Variants in POU3F3 observed in about 807,000 individuals in gnomAD.
POU3F3 encodes POU domain, class 3, transcription factor 3.
POU3F3 carries 1 observed loss-of-function variant against 8.6 expected under a neutral mutation model. The observed-to-expected ratio is 0.12, with a 90% CI of 0.04 to 0.55. POU3F3 has a LOEUF of 0.55. POU3F3 is among the 20% of genes least tolerant of loss of function. The pLI, the probability that POU3F3 is intolerant of heterozygous loss-of-function variation, is 0.91. For synonymous variants in POU3F3, 418 were observed against 327.4 expected (o/e 1.28, Z -2.99); for missense variants, 577 against 690.7 (o/e 0.84, Z 1.84).
chr2:104,891,941 C>T, the POU3F3 span, among the ~76,000 whole-genome samples: 189 of 152,228 alleles, frequency 1.2e-3, no homozygotes, highest in African/African-American at 4.4e-3. Context: ...CAGCCTAAAG[C>T]GCATTATGCT....
the POU3F3 span, among the ~76,000 whole-genome samples, chr2:104,921,432 T>G: frequency 6.6e-6 from 1 of 152,138 alleles, no homozygotes; most frequent in African/African-American, 2.4e-5. Flanking sequence ...TGCAATTTCC[T>G]GGGGGAAAGC....
Position 104,857,015 on chromosome 2 carries a change from G to A in POU3F3, c.*2G>A, listed in dbSNP as rs763285090. The A allele has an allele frequency of 6.3e-7, 1 of 1,586,010 alleles. No homozygotes were observed. Among genetic ancestry groups the A allele is most frequent in the South Asian group, 1.1e-5 (1 of 89,042 alleles). On this transcript the variant is annotated 3_prime_UTR_variant, in exon 1 of 1. Coordinates refer to ENST00000361360, the MANE Select transcript of POU3F3 (RefSeq NM_006236.3). ...GGGCTGCAGACGAGCGTTCAGTGAA[G>A]CCAGGGCGCAGAGCGAAGAGGGCCG...
chr2:104,889,134 A>T, the POU3F3 span, among the ~76,000 whole-genome samples: 1 of 152,318 alleles, frequency 6.6e-6, no homozygotes, highest in East Asian at 1.9e-4. Context: ...GTTTTCCGTG[A>T]TGCGATTTAA....
the POU3F3 span, among the ~76,000 whole-genome samples, chr2:104,888,727 C>T: frequency 2.0e-5 from 3 of 152,082 alleles, no homozygotes; most frequent in African/African-American, 7.2e-5. Context: ...CACTTCCTTC[C>T]CCACTCTCAG....
At chr2:104,922,392 CAAAAAAAAAA>C in the POU3F3 span, among the ~76,000 whole-genome samples, 1 of 71,042 alleles carries the variant, frequency 1.4e-5, no homozygotes, top group Non-Finnish European at 2.8e-5. Flanking sequence ...TGAAGATGCT[CAAAAAAAAAA>C]AAAAAAAAAA....
the POU3F3 span, among the ~76,000 whole-genome samples, chr2:104,878,671 G>A: frequency 2.6e-5 from 4 of 152,304 alleles, no homozygotes; most frequent in African/African-American, 9.6e-5. Context: ...CTTGCCTGAG[G>A]GTTGGGATTA....
the POU3F3 span, chr2:104,866,761 A>G: frequency 2.6e-5 from 4 of 152,270 alleles, no homozygotes; most frequent in African/African-American, 4.8e-5. Flanking sequence ...GACAGGGCAC[A>G]TGTAAGCTTG....
chr2:104,920,929 A>G, the POU3F3 span, among the ~76,000 whole-genome samples: 1 of 152,204 alleles, frequency 6.6e-6, no homozygotes, highest in East Asian at 1.9e-4. Flanking sequence ...CTCCCCCCAC[A>G]TTCATGTTCC....
At chr2:104,894,936 G>A in the POU3F3 span, among the ~76,000 whole-genome samples, 2 of 152,038 alleles carry the variant, frequency 1.3e-5, no homozygotes, top group African/African-American at 2.4e-5. Flanking sequence ...TTCTGTGCAT[G>A]TGCTCATCTT....
the POU3F3 span, among the ~76,000 whole-genome samples, chr2:104,881,100 C>CTCTTTCTTTCTTTCTTTCTTTCTTTCTT: frequency 7.5e-5 from 9 of 120,434 alleles, no homozygotes; most frequent in African/African-American, 2.1e-4. Context: ...TATATATTTT[C>CTCTTTCTTTCTTTCTTTCTTTCTTTCTT]TCTTTCTTTC....
chr2:104,889,829 G>A, the POU3F3 span, among the ~76,000 whole-genome samples: 3 of 152,216 alleles, frequency 2.0e-5, no homozygotes, highest in African/African-American at 7.2e-5. Context: ...AGTCTGGCAT[G>A]AGGAAGAAGT....
Position 104,855,382 on chromosome 2 carries a change from G to T in POU3F3, c.-129G>T, listed in dbSNP as rs1160682052. ...GGGCCGGCGGGGGCCCGGGGCGGGG[G>T]CGGGGAAGGAGGGGGGGAGGAGGCG... On this transcript the variant is annotated 5_prime_UTR_variant, in exon 1 of 1. Transcript: ENST00000361360. 6.5e-6 allele frequency: 2 copies of T among 307,430 alleles called. No individual in the cohort carries two copies. Among genetic ancestry groups the T allele is most frequent in the Non-Finnish European group, 9.1e-6 (2 of 219,502 alleles). 19.0% of individuals were successfully genotyped at this position (307,430 alleles called of 1,614,324 possible).
At chr2:104,875,745 C>A in the POU3F3 span, among the ~76,000 whole-genome samples, 1 of 152,128 alleles carries the variant, frequency 6.6e-6, no homozygotes, top group Non-Finnish European at 1.5e-5. Flanking sequence ...GAGATGGAGT[C>A]TCGCTCTGTC....
At chr2:104,907,968 ATGT>A in the POU3F3 span, among the ~76,000 whole-genome samples, 2 of 152,116 alleles carry the variant, frequency 1.3e-5, no homozygotes, top group East Asian at 3.8e-4. Context: ...TGATTTTATC[ATGT>A]TAAGAATGTA....
chr2:104,855,837 CGCT>C lies in POU3F3; in HGVS notation c.330_332del (p.Ala115del), dbSNP rs1207581154. On this transcript the variant is annotated inframe_deletion, in exon 1 of 1. Transcript: ENST00000361360. The stretch of plus-strand genomic sequence containing the variant: ...TGCCCCACGCCGCCGCCGCCGCCGC[CGCT>C]GCCGCCGCCGCCGCCGTGGAGGCGA... 7.3e-6 allele frequency: 8 copies of C among 1,102,272 alleles called. No homozygotes were observed. Among genetic ancestry groups the C allele is most frequent in the Middle Eastern group, 3.7e-4 (1 of 2,702 alleles). 68.3% of individuals were successfully genotyped at this position (1,102,272 alleles called of 1,614,324 possible). A position where few individuals can be genotyped will look rare whatever the true frequency, so the allele number is the denominator to read the frequency against.
the POU3F3 span, among the ~76,000 whole-genome samples, chr2:104,878,721 G>A: frequency 6.6e-6 from 1 of 152,168 alleles, no homozygotes; most frequent in Admixed American, 6.5e-5. Flanking sequence ...ACCTCCTGGT[G>A]AAGAATAAAC....
chr2:104,855,995 C>A lies in POU3F3; in HGVS notation c.485C>A (p.Thr162Lys). 1.0e-6 allele frequency: 1 copy of A among 998,288 alleles called. No individual in the cohort carries two copies. Among genetic ancestry groups the A allele is most frequent in the Non-Finnish European group, 1.2e-6 (1 of 841,360 alleles). The allele number at this position is 998,288 out of a possible 1,614,324, so 61.8% of individuals were successfully genotyped here. ...GAGRDDLHAG[T>K]ALHHRGPPHL... Reference sequence around the variant, plus strand: ...GGGCGCGACGACCTGCACGCGGGCACAGCGCTGCACCACCGCGGGCCGCCG... The same window carrying A: ...GGGCGCGACGACCTGCACGCGGGCAAAGCGCTGCACCACCGCGGGCCGCCG... The change falls in exon 1 of 1, where the codon ACA becomes AAA. Residue 162 changes from threonine (T) to lysine (K), a missense_variant. Physicochemically the swap from Thr to Lys is moderately conservative, Grantham distance 78. Transcript: ENST00000361360.
At chr2:104,880,130 T>C in the POU3F3 span, among the ~76,000 whole-genome samples, 1 of 152,156 alleles carries the variant, frequency 6.6e-6, no homozygotes, top group Admixed American at 6.5e-5. Context: ...CTCCTTCATG[T>C]GGTTCAAATT....
At chr2:104,918,720 C>T in the POU3F3 span, among the ~76,000 whole-genome samples, 4 of 88 alleles carry the variant, frequency 0.045, no homozygotes, top group South Asian at 0.3. Context: ...CTCAGGCTTC[C>T]AGCTCCAGAA....
Sources: allele counts gnomAD v4.1 joint callset (sites outside exome capture counted in the v4.1 genomes callset), GRCh38; gene constraint gnomAD v4.1.1; transcripts MANE v1.5; gene names NCBI Gene and HGNC (gene_info 2026-07-23, HGNC 2026-07-21).